The following LRIG1 variants were observed in gnomAD, a reference collection of about 807,000 sequenced individuals.
LRIG1 encodes leucine-rich repeats and immunoglobulin-like domains protein 1.
In LRIG1, 48 loss-of-function variants were observed where a neutral mutation model predicts 99.2. That is an observed-to-expected ratio of 0.48 (90% CI 0.38 to 0.62). The LOEUF (loss-of-function observed/expected upper bound fraction) is 0.62. Ranked by LOEUF, LRIG1 falls within the 20% of genes least tolerant of loss-of-function variation. The pLI is 0.00. For missense variants in LRIG1, 1,646 were observed against 1,434.4 expected (o/e 1.15, Z -2.38); for synonymous variants, 772 against 596.1 (o/e 1.29, Z -4.30).
intron 7 of LRIG1, among the ~76,000 whole-genome samples, chr3:66,408,943 T>TGC (rs1553715399): frequency 1.9e-5 from 2 of 106,612 alleles, no homozygotes; most frequent in African/African-American, 3.8e-5. Context: ...TGTGTGTGTG[T>TGC]GTGTGTGTGT....
chr3:66,406,795 C>T (rs551583865), intron 8 of LRIG1, among the ~76,000 whole-genome samples: 93 of 152,284 alleles, frequency 6.1e-4, no homozygotes, highest in Admixed American at 1.0e-3. Flanking sequence ...TGTTAACTGA[C>T]CCCCGACGAG....
intron 3 of LRIG1, among the ~76,000 whole-genome samples, chr3:66,444,368 T>TGC (rs10636175): frequency 0.063 from 9,088 of 144,124 alleles, 774 homozygotes; most frequent in African/African-American, 0.2. Context: ...GAGCTCACTC[T>TGC]GCCCACTGCC....
In LRIG1 at chr3:66,417,454, T is replaced by A; in HGVS notation, c.366-188A>T. 15 of 630,636 alleles carry A rather than the reference T, an allele frequency of 2.4e-5. No homozygotes were observed. In the South Asian group the frequency reaches 2.8e-4, roughly 12 times the overall value. 39.1% of individuals were successfully genotyped at this position (630,636 alleles called of 1,614,324 possible). A position where few individuals can be genotyped will look rare whatever the true frequency, so the allele number is the denominator to read the frequency against. On this transcript the variant is annotated intron_variant, in intron 3 of 18. Coordinates refer to ENST00000273261, the MANE Select transcript of LRIG1 (RefSeq NM_015541.3). ...GCCAGATGCTAGGAGAATATTGGAT[T>A]TTCAATCTGGGACAAGTTTATCAAA... is the stretch of plus-strand genomic sequence containing the variant.
At chr3:66,464,231 T>C (rs1458959467) in intron 1 of LRIG1, among the ~76,000 whole-genome samples, 1 of 152,202 alleles carries the variant, frequency 6.6e-6, no homozygotes, top group African/African-American at 2.4e-5. Context: ...GTAACTTTTG[T>C]ATCATCATAG....
At chr3:66,467,491 C>A (rs997190038) in intron 1 of LRIG1, among the ~76,000 whole-genome samples, 2 of 152,050 alleles carry the variant, frequency 1.3e-5, no homozygotes, top group South Asian at 4.2e-4. Context: ...TCCCCAGTAG[C>A]TGGGACTACA....
At chr3:66,435,671 T>C (rs1703330795) in intron 3 of LRIG1, among the ~76,000 whole-genome samples, 1 of 152,174 alleles carries the variant, frequency 6.6e-6, no homozygotes, top group Non-Finnish European at 1.5e-5. Flanking sequence ...ATACAAATAT[T>C]CTGCATTCTG....
chr3:66,485,155 CA>C (rs60055293), intron 1 of LRIG1, among the ~76,000 whole-genome samples: 98,208 of 126,290 alleles, frequency 0.78, 41,481 homozygotes, highest in Non-Finnish European at 0.96. Context: ...AAGACCCTCT[CA>C]AAAAAAAAAA....
intron 3 of LRIG1, among the ~76,000 whole-genome samples, chr3:66,435,442 G>A (rs1354229851): frequency 6.6e-6 from 1 of 152,044 alleles, no homozygotes; most frequent in East Asian, 1.9e-4. Flanking sequence ...AGCCAGGTGT[G>A]GTGGTGCATA....
chr3:66,404,252 C>G, intron 9 of LRIG1: 1 of 1,289,366 alleles, frequency 7.8e-7, no homozygotes, highest in South Asian at 1.2e-5. Context: ...TCTCCTCTAT[C>G]ATCGAGCTCC....
intron 3 of LRIG1, among the ~76,000 whole-genome samples, chr3:66,444,959 G>A (rs1295046086): frequency 1.3e-5 from 2 of 151,336 alleles, no homozygotes; most frequent in Admixed American, 1.3e-4. Context: ...GTGTGTATAT[G>A]TATGTGTATA....
intron 1 of LRIG1, among the ~76,000 whole-genome samples, chr3:66,479,248 C>T (rs1700794565): frequency 6.6e-6 from 1 of 152,236 alleles, no homozygotes; most frequent in Non-Finnish European, 1.5e-5. Flanking sequence ...CGGTCAGGCT[C>T]TTCCATAAAT....
At position 66,397,448 on chromosome 3, in the gene LRIG1, T is replaced by TAAA. The variant is rs386396916; in HGVS notation, c.1304+661_1304+663dup. Reference sequence around the variant, plus strand: ...CTGTAGAATCAGATTCATGTCTAGCTAAAAAAAAAAAAAAAAAACCAGAAA... The same window carrying TAAA: ...CTGTAGAATCAGATTCATGTCTAGCTAAAAAAAAAAAAAAAAAAAAACCAGAAA... On this transcript the variant is annotated intron_variant, in intron 11 of 18. Coordinates refer to ENST00000273261, the MANE Select transcript of LRIG1 (RefSeq NM_015541.3). Among the ~76,000 whole-genome samples the TAAA allele has an allele frequency of 4.5e-3, 588 of 131,388 alleles. 8 individuals carry two copies. The highest frequency in any genetic ancestry group is 0.012 in the African/African-American group (421 of 34,194). The allele number at this position is 131,388 out of a possible 152,430, so 86.2% of individuals were successfully genotyped here.
chr3:66,477,314 G>A lies in LRIG1; in HGVS notation c.219-14805C>T, dbSNP rs554527514. On this transcript the variant is annotated intron_variant, in intron 1 of 18. Coordinates refer to ENST00000273261, the MANE Select transcript of LRIG1 (RefSeq NM_015541.3). ...TTATTTCTTGAGCCAGACACACCAC[G>A]ACCCGGGTCATTTGCCCTCTGGATT... Among the ~76,000 whole-genome samples the A allele has an allele frequency of 8.5e-5, 13 of 152,302 alleles. No homozygotes were observed. In the South Asian group the frequency reaches 1.2e-3, roughly 15 times the overall value.
At chr3:66,463,184 A>G (rs2106841427) in intron 1 of LRIG1, among the ~76,000 whole-genome samples, 1 of 152,338 alleles carries the variant, frequency 6.6e-6, no homozygotes, top group Non-Finnish European at 1.5e-5. Context: ...ACCCTGGTCT[A>G]CACAAGAGCT....
intron 1 of LRIG1, among the ~76,000 whole-genome samples, chr3:66,498,818 C>G (rs7616459): frequency 0.96 from 146,221 of 152,266 alleles, 70,492 homozygotes; most frequent in East Asian, 1. Context: ...AGCAGTGTCT[C>G]GGGCCAAGTT....
chr3:66,393,585 A>G (rs1316652661), intron 12 of LRIG1, among the ~76,000 whole-genome samples: 1 of 152,258 alleles, frequency 6.6e-6, no homozygotes, highest in African/African-American at 2.4e-5. Flanking sequence ...AAACAGCAAG[A>G]GTACAAGTCA....
intron 3 of LRIG1, among the ~76,000 whole-genome samples, chr3:66,421,597 C>T (rs1283430230): frequency 6.6e-6 from 1 of 152,168 alleles, no homozygotes; most frequent in East Asian, 1.9e-4. Flanking sequence ...GCTGCTTTCA[C>T]AGGCTGGCGT....
Position 66,405,214 on chromosome 3 carries a change from C to G in LRIG1, c.1144G>C (p.Asp382His), listed in dbSNP as rs923715319. 1.1e-5 allele frequency: 18 copies of G among 1,614,128 alleles called. No individual in the cohort carries two copies. Among genetic ancestry groups the G allele is most frequent in the Non-Finnish European group, 1.4e-5 (17 of 1,179,998 alleles). ...GATACTCACAGCTTGCTGAGGCTGTCGAGCCCTGAGAAGGCGCCGCTCGTG... is the reference window on the plus strand; with the variant it reads ...GATACTCACAGCTTGCTGAGGCTGTGGAGCCCTGAGAAGGCGCCGCTCGTG... ...EDTSGAFSGL[D>H]SLSKLTLFGN... The change falls in exon 9 of 19, where the codon GAC becomes CAC. Residue 382 changes from aspartate to histidine, a missense_variant. Coordinates refer to ENST00000273261, the MANE Select transcript of LRIG1 (RefSeq NM_015541.3).
intron 3 of LRIG1, among the ~76,000 whole-genome samples, chr3:66,435,689 C>T (rs1199219394): frequency 6.6e-6 from 1 of 151,998 alleles, no homozygotes; most frequent in Non-Finnish European, 1.5e-5. Flanking sequence ...CTGACTGCAT[C>T]GATGTCAATA....
Sources: gnomAD v4.1 joint callset for allele counts (sites outside exome capture counted in the v4.1 genomes callset) on GRCh38, gnomAD v4.1.1 for gene constraint, MANE v1.5 for transcripts, NCBI Gene and HGNC (gene_info 2026-07-23, HGNC 2026-07-21) for gene names.